Variants in GABBR2 observed in about 807,000 individuals in gnomAD.
GABBR2 encodes gamma-aminobutyric acid type B receptor subunit 2.
A neutral mutation model predicts 105.6 loss-of-function variants in GABBR2; 23 were observed. That is an observed-to-expected ratio of 0.22 (90% confidence interval 0.16 to 0.31). The LOEUF is 0.31. Ranked by LOEUF, GABBR2 falls within the 10% of genes least tolerant of loss-of-function variation. The pLI, the probability that GABBR2 is intolerant of heterozygous loss-of-function variation, is 1.00. For synonymous variants in GABBR2, 478 were observed against 499.7 expected, an observed-to-expected ratio of 0.96 and a Z score of 0.58; for missense variants, 734 against 1,245.5, an observed-to-expected ratio of 0.59 and a Z score of 6.18.
At chr9:98,462,092 T>G (rs907341523) in intron 6 of GABBR2, among the ~76,000 whole-genome samples, 1 of 152,082 alleles carries the variant, frequency 6.6e-6, no homozygotes, top group African/African-American at 2.4e-5. Context: ...AGGGTGATTT[T>G]CAGAAAAAAC....
In GABBR2 at chr9:98,454,145, C is replaced by A; in HGVS notation, c.1072G>T (p.Ala358Ser). Reference protein sequence around the residue: ...GVGPSKFHGYAYDGIWVIAKT... With the variant: ...GVGPSKFHGYSYDGIWVIAKT... ...GCGATGACCCAGATGCCATCGTAGG[C>A]GTACCCGTGGAACTTGCTGGGCCCC... The change falls in exon 7 of 19, where the codon GCC (alanine) becomes TCC (serine). Residue 358 changes from alanine to serine, a missense_variant. By Grantham distance (99) the Ala-to-Ser change is moderately conservative (BLOSUM62 1). Transcript: ENST00000259455. This position sits in a 1 kb window ranked among gnomAD's most constrained non-coding sequence, Gnocchi z 4.6. 6.2e-7 allele frequency: 1 copy of A among 1,614,122 alleles called. No individual in the cohort carries two copies. Among genetic ancestry groups the A allele is most frequent in the Non-Finnish European group, 8.5e-7 (1 of 1,179,990 alleles).
At chr9:98,402,379 G>A (rs997505521) in intron 8 of GABBR2, among the ~76,000 whole-genome samples, 6 of 152,158 alleles carry the variant, frequency 3.9e-5, no homozygotes, top group African/African-American at 1.4e-4. Context: ...ATCTACACGT[G>A]GTGTCGTGAA....
intron 13 of GABBR2, among the ~76,000 whole-genome samples, chr9:98,320,532 T>C (rs1047502782): frequency 5.9e-5 from 9 of 152,214 alleles, no homozygotes; most frequent in Admixed American, 5.2e-4. Context: ...TGCACACGTA[T>C]GTTTATTGCA....
At chr9:98,692,343 ATAT>A (rs1564153158) in intron 1 of GABBR2, among the ~76,000 whole-genome samples, 1 of 152,118 alleles carries the variant, frequency 6.6e-6, no homozygotes, top group Non-Finnish European at 1.5e-5. Context: ...AGCAGTATGG[ATAT>A]TAGTCCACCC....
At chr9:98,656,836 A>C (rs1830190479) in intron 1 of GABBR2, among the ~76,000 whole-genome samples, 1 of 152,200 alleles carries the variant, frequency 6.6e-6, no homozygotes, top group South Asian at 2.1e-4. Context: ...GAAACAAAAA[A>C]CATGGGGGAA....
intron 2 of GABBR2, among the ~76,000 whole-genome samples, chr9:98,571,312 G>A (rs549583196): frequency 1.3e-5 from 2 of 152,298 alleles, no homozygotes; most frequent in South Asian, 2.1e-4. Flanking sequence ...TCATCCTAGC[G>A]GCACTGGGAT....
chr9:98,631,494 C>T (rs1219456134), intron 1 of GABBR2, among the ~76,000 whole-genome samples: 1 of 152,178 alleles, frequency 6.6e-6, no homozygotes, highest in Admixed American at 6.5e-5. Context: ...ATGGAACAGA[C>T]AGATATCTCT....
chr9:98,371,917 C>T (rs542821740), intron 11 of GABBR2, among the ~76,000 whole-genome samples: 1 of 152,312 alleles, frequency 6.6e-6, no homozygotes, highest in African/African-American at 2.4e-5. Flanking sequence ...CTCTGGCCTT[C>T]ACTTCCCCTC....
chr9:98,567,588 C>T (rs1365382895), intron 2 of GABBR2, among the ~76,000 whole-genome samples: 2 of 152,186 alleles, frequency 1.3e-5, no homozygotes, highest in African/African-American at 4.8e-5. Flanking sequence ...GTTGGCATCA[C>T]AGTTGCGGTA....
intron 7 of GABBR2, among the ~76,000 whole-genome samples, chr9:98,427,416 G>A (rs1411042356): frequency 6.6e-6 from 1 of 152,200 alleles, no homozygotes; most frequent in Non-Finnish European, 1.5e-5. Flanking sequence ...GTTTATAGCT[G>A]CCAATGCACT....
intron 11 of GABBR2, among the ~76,000 whole-genome samples, chr9:98,382,602 A>G (rs1453241170): frequency 1.3e-5 from 2 of 152,176 alleles, no homozygotes; most frequent in Non-Finnish European, 2.9e-5. Context: ...AGCATGAGCC[A>G]CTGCACCCGG....
chr9:98,423,570 A>T (rs1832822406), intron 7 of GABBR2, among the ~76,000 whole-genome samples: 3 of 152,232 alleles, frequency 2.0e-5, no homozygotes, highest in South Asian at 4.2e-4. Flanking sequence ...GTTCACTCTG[A>T]TGGTAGTTTC....
intron 13 of GABBR2, among the ~76,000 whole-genome samples, chr9:98,342,845 T>C (rs1031061664): frequency 6.6e-6 from 1 of 152,174 alleles, no homozygotes; most frequent in East Asian, 1.9e-4. Flanking sequence ...GCCATTACAA[T>C]GTCTCTTTAT....
intron 1 of GABBR2, among the ~76,000 whole-genome samples, chr9:98,602,426 C>T (rs1382225128): frequency 2.0e-5 from 3 of 147,302 alleles, no homozygotes; most frequent in Non-Finnish European, 4.5e-5. Context: ...GAGCCGAGAT[C>T]GCACCACTGG....
intron 13 of GABBR2, among the ~76,000 whole-genome samples, chr9:98,335,499 G>A (rs1445740646): frequency 1.3e-5 from 2 of 152,136 alleles, no homozygotes; most frequent in African/African-American, 4.8e-5. Context: ...CTGCACACCA[G>A]AACCCATGGC....
At chr9:98,617,333 A>G (rs1233659954) in intron 1 of GABBR2, among the ~76,000 whole-genome samples, 1 of 152,154 alleles carries the variant, frequency 6.6e-6, no homozygotes, top group Non-Finnish European at 1.5e-5. Context: ...GGCCCAGAGA[A>G]AGGAAAGGCA....
intron 1 of GABBR2, among the ~76,000 whole-genome samples, chr9:98,620,247 T>TTCTCTCTC (rs112127893): frequency 0.042 from 6,096 of 146,542 alleles, 571 homozygotes; most frequent in East Asian, 0.4. Context: ...TTTTCTCTCT[T>TTCTCTCTC]TCTCTCTCTC....
chr9:98,442,000 T>C (rs1826039357), intron 7 of GABBR2, among the ~76,000 whole-genome samples: 1 of 152,248 alleles, frequency 6.6e-6, no homozygotes, highest in African/African-American at 2.4e-5. Flanking sequence ...AGGAGACTGA[T>C]TTCTCTTTGG....
chr9:98,483,470 A>T (rs1341858193), intron 4 of GABBR2, among the ~76,000 whole-genome samples: 1 of 152,186 alleles, frequency 6.6e-6, no homozygotes. Flanking sequence ...TTTGCAGATC[A>T]AACACTGAGC....
Sources: gnomAD v4.1 joint callset for allele counts (sites outside exome capture counted in the v4.1 genomes callset) on GRCh38, gnomAD v4.1.1 for gene constraint, Gnocchi (gnomAD v3.1) non-coding constraint, MANE v1.5 for transcripts, NCBI Gene and HGNC (gene_info 2026-07-23, HGNC 2026-07-21) for gene names.